PALLD: variants seen among roughly 807,000 people sequenced by gnomAD.
PALLD encodes palladin.
A neutral mutation model predicts 123.5 loss-of-function variants in PALLD; 61 were observed. The observed-to-expected ratio is 0.49, with a 90% CI of 0.40 to 0.61. PALLD has a LOEUF of 0.61. Ranked by LOEUF, PALLD falls within the 20% of genes least tolerant of loss-of-function variation. PALLD has a pLI of 0.00. For missense variants in PALLD, 1,273 were observed against 1,377.0 expected (o/e 0.92, Z 1.20); for synonymous variants, 465 against 496.4 (o/e 0.94, Z 0.84).
At chr4:168,800,335 T>C (rs969324097) in intron 10 of PALLD, among the ~76,000 whole-genome samples, 1 of 152,138 alleles carries the variant, frequency 6.6e-6, no homozygotes, top group African/African-American at 2.4e-5. Flanking sequence ...GGAAAGTATT[T>C]GCAACTTATG....
At chr4:168,808,502 A>G (rs1210911224) in intron 10 of PALLD, among the ~76,000 whole-genome samples, 1 of 152,164 alleles carries the variant, frequency 6.6e-6, no homozygotes, top group Non-Finnish European at 1.5e-5. Context: ...CAAAACAAAA[A>G]AACATATTTG....
chr4:168,687,645 G>A (rs1329391341), intron 6 of PALLD, among the ~76,000 whole-genome samples: 2 of 152,174 alleles, frequency 1.3e-5, no homozygotes, highest in Non-Finnish European at 2.9e-5. Flanking sequence ...TTTCCTGCAT[G>A]GGTCTGGCAT....
intron 2 of PALLD, among the ~76,000 whole-genome samples, chr4:168,527,268 C>T (rs1268561660): frequency 6.6e-6 from 1 of 151,674 alleles, no homozygotes; most frequent in Non-Finnish European, 1.5e-5. Flanking sequence ...ACTAAAAATA[C>T]AAAATTAGCC....
At chr4:168,830,538 A>C (rs958572801) in intron 10 of PALLD, among the ~76,000 whole-genome samples, 5 of 152,146 alleles carry the variant, frequency 3.3e-5, no homozygotes, top group Non-Finnish European at 7.3e-5. Context: ...TCAAAAAAAA[A>C]AAAGTTACAA....
At chr4:168,551,587 T>C (rs1479805335) in intron 2 of PALLD, among the ~76,000 whole-genome samples, 2 of 152,080 alleles carry the variant, frequency 1.3e-5, no homozygotes, top group African/African-American at 2.4e-5. Flanking sequence ...AAAACAAACC[T>C]GGGGGTACAT....
chr4:168,808,728 G>C (rs1352824737), intron 10 of PALLD, among the ~76,000 whole-genome samples: 1 of 152,204 alleles, frequency 6.6e-6, no homozygotes, highest in African/African-American at 2.4e-5. Flanking sequence ...TGCACTGTTA[G>C]AGAGCATGAG....
rs980554423 is a variant in PALLD at position 168,605,255 on chromosome 4, A to T, written c.909-62935A>T. Among the ~76,000 whole-genome samples the T allele has an allele frequency of 1.8e-4, 4 of 21,926 alleles. No individual in the cohort carries two copies. The African/African-American group carries it at 2.4e-3, about 13-fold the overall frequency. The allele number at this position is 21,926 out of a possible 152,430, so 14.4% of individuals were successfully genotyped here. ...CCCATTAAATTCATTTGGGGGATTA[A>T]AAAAAAAAATACCGATGCCTAGACC... On this transcript the variant is annotated intron_variant, in intron 2 of 21. Transcript: ENST00000505667.
Position 168,537,038 on chromosome 4 carries a change from G to A in PALLD, c.908+24626G>A, listed in dbSNP as rs1400722576. Among the ~76,000 whole-genome samples, 5 of 152,118 alleles carry A rather than the reference G, an allele frequency of 3.3e-5. No homozygotes were observed. In the East Asian group the frequency reaches 9.6e-4, roughly 29 times the overall value. ...AGAGACAGTTTCATCGTGTTAGCCAGGATGGTCTGATCTCCTGACCTTGTG... is the reference window on the plus strand; with the variant it reads ...AGAGACAGTTTCATCGTGTTAGCCAAGATGGTCTGATCTCCTGACCTTGTG... On this transcript the variant is annotated intron_variant, in intron 2 of 21. Transcript: ENST00000505667.
chr4:168,664,615 T>A (rs1489526267), intron 2 of PALLD, among the ~76,000 whole-genome samples: 2 of 152,020 alleles, frequency 1.3e-5, no homozygotes, highest in Admixed American at 6.5e-5. Flanking sequence ...CCCAGTAAGG[T>A]ATAAGTAAAA....
At chr4:168,799,966 C>T (rs1264531438) in intron 10 of PALLD, among the ~76,000 whole-genome samples, 1 of 152,142 alleles carries the variant, frequency 6.6e-6, no homozygotes, top group Non-Finnish European at 1.5e-5. Context: ...GAGGGCCTAT[C>T]ACACTTACAT....
At chr4:168,816,817 CGTGTGTGTGTGTGTGTGT>C (rs61010592) in intron 10 of PALLD, among the ~76,000 whole-genome samples, 3,083 of 111,018 alleles carry the variant, frequency 0.028, 119 homozygotes, top group African/African-American at 0.089. Context: ...GAGCTAGCCC[CGTGTGTGTGTGTGTGTGT>C]GTGTGTGTGT....
chr4:168,595,884 A>T (rs924252392), intron 2 of PALLD, among the ~76,000 whole-genome samples: 2 of 151,538 alleles, frequency 1.3e-5, no homozygotes, highest in African/African-American at 2.4e-5. Context: ...CATGCAATTT[A>T]CCCTTGTAAC....
chr4:168,834,256 T>G (rs184581069), intron 10 of PALLD, among the ~76,000 whole-genome samples: 2 of 152,204 alleles, frequency 1.3e-5, no homozygotes, highest in African/African-American at 2.4e-5. Context: ...CATAAAATTC[T>G]GATAGCTGGG....
At chr4:168,879,831 G>C (rs1752368191) in intron 10 of PALLD, among the ~76,000 whole-genome samples, 1 of 152,214 alleles carries the variant, frequency 6.6e-6, no homozygotes, top group Admixed American at 6.5e-5. Flanking sequence ...CAGTCAACTT[G>C]TCTGAGGAGA....
At chr4:168,559,907 A>G (rs1038728456) in intron 2 of PALLD, among the ~76,000 whole-genome samples, 12 of 151,382 alleles carry the variant, frequency 7.9e-5, no homozygotes, top group Admixed American at 6.6e-5. Context: ...AGAGAGAGAG[A>G]AAAAAAAAGA....
At chr4:168,671,378 G>A (rs552388068) in intron 3 of PALLD, among the ~76,000 whole-genome samples, 9 of 152,128 alleles carry the variant, frequency 5.9e-5, no homozygotes, top group African/African-American at 9.7e-5. Context: ...TTTCATGTTC[G>A]GGACTTCAAC....
rs1450026834 is a variant in PALLD, at chr4:168,844,959, G to T, written c.1965-45963G>T. ...ACAGATTCAGTGTCCTCTGAGGAGG[G>T]ACTGACCAGCTCTGCCTGGGGGAGT... On this transcript the variant is annotated intron_variant, in intron 10 of 21. Coordinates refer to ENST00000505667, the MANE Select transcript of PALLD (RefSeq NM_001166108.2). The surrounding 1 kb of genome is among the most constrained non-coding windows in gnomAD (Gnocchi z 4.5). Among the ~76,000 whole-genome samples, 1 of 152,150 alleles carries T rather than the reference G, an allele frequency of 6.6e-6. No individual in the cohort carries two copies. The highest frequency in any genetic ancestry group is 1.5e-5 in the Non-Finnish European group (1 of 68,024).
At chr4:168,778,775 A>G (rs1231885458) in intron 10 of PALLD, among the ~76,000 whole-genome samples, 1 of 152,224 alleles carries the variant, frequency 6.6e-6, no homozygotes, top group Admixed American at 6.5e-5. Context: ...TCACACAACT[A>G]GTAAAGGGAA....
chr4:168,590,102 C>T (rs1771251395), intron 2 of PALLD, among the ~76,000 whole-genome samples: 2 of 152,240 alleles, frequency 1.3e-5, no homozygotes, highest in South Asian at 4.1e-4. Context: ...CTTTGGGAGG[C>T]CAAGGCGGGG....
Sources: allele counts gnomAD v4.1 joint callset (sites outside exome capture counted in the v4.1 genomes callset), GRCh38; gene constraint gnomAD v4.1.1; non-coding constraint Gnocchi (gnomAD v3.1); transcripts MANE v1.5; gene names NCBI Gene and HGNC (gene_info 2026-07-23, HGNC 2026-07-21).